RAD51B: variants seen among roughly 807,000 people sequenced by gnomAD.
RAD51B encodes the protein RAD51 paralog B.
A neutral mutation model predicts 42.2 loss-of-function variants in RAD51B; 38 were observed. That is an observed-to-expected ratio of 0.90 (90% CI 0.70 to 1.18). The LOEUF (loss-of-function observed/expected upper bound fraction) is 1.18, where lower values mean the gene tolerates loss of function less well. Ranked by LOEUF, RAD51B falls within the 50% of genes most tolerant of loss-of-function variation. The pLI is 0.00. For missense variants in RAD51B, 373 were observed against 400.7 expected (o/e 0.93, Z 0.59); for synonymous variants, 154 against 145.2 (o/e 1.06, Z -0.43).
chr14:67,848,274 C>T (rs915910141), intron 4 of RAD51B, among the ~76,000 whole-genome samples: 1 of 152,220 alleles, frequency 6.6e-6, no homozygotes, highest in Non-Finnish European at 1.5e-5. Flanking sequence ...GCTTTGGCCT[C>T]CCAAAGTGCT....
intron 7 of RAD51B, among the ~76,000 whole-genome samples, chr14:67,953,166 A>T (rs376660270): frequency 6.6e-6 from 1 of 152,164 alleles, no homozygotes; most frequent in Non-Finnish European, 1.5e-5. Flanking sequence ...GACAAGACAG[A>T]TCTAATCCTT....
intron 7 of RAD51B, among the ~76,000 whole-genome samples, chr14:68,141,807 T>A (rs1339286693): frequency 6.6e-6 from 1 of 152,146 alleles, no homozygotes; most frequent in African/African-American, 2.4e-5. Context: ...AAAGTAGGAC[T>A]CCTTTCTTTT....
At position 68,431,387 on chromosome 14, in the gene RAD51B, T is replaced by A. The variant is rs550200539; in HGVS notation, c.957+19860T>A. Among the ~76,000 whole-genome samples, 577 of 152,240 alleles carry A rather than the reference T, an allele frequency of 3.8e-3. 5 individuals are homozygous for A. Among genetic ancestry groups the A allele is most frequent in the African/African-American group, 0.013 (538 of 41,554 alleles). ...CTGTGAATCCATCTGGTCCTGGACT[T>A]TTTTTGGTTGGTAGGCTATTAATTG... On this transcript the variant is annotated intron_variant, in intron 9 of 10. Coordinates refer to ENST00000471583, the MANE Select transcript of RAD51B (RefSeq NM_133510.4).
chr14:68,415,031 CAAAAAAA>C (rs71129885), intron 9 of RAD51B, among the ~76,000 whole-genome samples: 31 of 32,510 alleles, frequency 9.5e-4, no homozygotes, highest in African/African-American at 1.2e-3. Flanking sequence ...GACTCTGTCT[CAAAAAAA>C]AAAAAAAAAA....
At chr14:68,683,029 A>G in intron 11 of RAD51B, 2 of 898,350 alleles carry the variant, frequency 2.2e-6, no homozygotes, top group Non-Finnish European at 2.7e-6. Context: ...AAAGGACCCC[A>G]GTTGAGTAAT....
intron 7 of RAD51B, among the ~76,000 whole-genome samples, chr14:68,229,632 A>C (rs1279323332): frequency 6.6e-6 from 1 of 152,190 alleles, no homozygotes; most frequent in Non-Finnish European, 1.5e-5. Context: ...TCTCCAGGGC[A>C]CTGGGAGTAA....
intron 8 of RAD51B, among the ~76,000 whole-genome samples, chr14:68,375,123 C>T (rs762368557): frequency 5.3e-5 from 8 of 151,840 alleles, no homozygotes; most frequent in Non-Finnish European, 1.0e-4. Context: ...TTAGCGTTAC[C>T]CTATTTAAAC....
At chr14:68,660,483 T>C (rs945393415) in intron 11 of RAD51B, among the ~76,000 whole-genome samples, 5 of 152,236 alleles carry the variant, frequency 3.3e-5, no homozygotes, top group African/African-American at 1.2e-4. Context: ...AACATTCTGA[T>C]GGATTCAGAG....
At chr14:68,416,227 C>T (rs1475473785) in intron 9 of RAD51B, among the ~76,000 whole-genome samples, 2 of 152,144 alleles carry the variant, frequency 1.3e-5, no homozygotes, top group Non-Finnish European at 2.9e-5. Context: ...TGTTTCCTTT[C>T]TGGTGATAGG....
chr14:68,540,499 G>A, intron 10 of RAD51B: 1 of 985,256 alleles, frequency 1.0e-6, no homozygotes, highest in Non-Finnish European at 1.2e-6. Flanking sequence ...TGCTCAGCTT[G>A]TTCCCTCATT....
At chr14:67,881,027 A>G (rs2042890048) in intron 5 of RAD51B, among the ~76,000 whole-genome samples, 1 of 152,232 alleles carries the variant, frequency 6.6e-6, no homozygotes, top group Non-Finnish European at 1.5e-5. Flanking sequence ...CCTAGACTAT[A>G]TGGTATAGCC....
At chr14:68,584,303 T>C (rs371455111) in intron 10 of RAD51B, among the ~76,000 whole-genome samples, 56 of 152,312 alleles carry the variant, frequency 3.7e-4, no homozygotes, top group African/African-American at 1.3e-3. Flanking sequence ...TAGGACCTCC[T>C]TGGGGCCACA....
chr14:67,994,828 G>A (rs2140298752), intron 7 of RAD51B, among the ~76,000 whole-genome samples: 1 of 152,250 alleles, frequency 6.6e-6, no homozygotes, highest in Admixed American at 6.5e-5. Flanking sequence ...CATGTTTATA[G>A]CAGTGTTAGA....
chr14:68,037,188 T>C (rs1399693843), intron 7 of RAD51B, among the ~76,000 whole-genome samples: 1 of 50,510 alleles, frequency 2.0e-5, no homozygotes, highest in African/African-American at 8.3e-5. Context: ...CCCTCCCCTC[T>C]CCTCTCCTCC....
Position 67,825,369 on chromosome 14 carries a change from T to G in RAD51B, c.85-95T>G, listed in dbSNP as rs1286330988. On this transcript the variant is annotated intron_variant, in intron 2 of 10. Transcript: ENST00000471583. ...TTTGATCTGCGATAAATTATACTTT[T>G]GTCTACATAAGCAGTATCAATTGAA... 1.4e-5 allele frequency: 10 copies of G among 728,104 alleles called. No individual in the cohort carries two copies. The East Asian group carries it at 2.7e-4, about 20-fold the overall frequency. The allele number at this position is 728,104 out of a possible 1,614,324, so 45.1% of individuals were successfully genotyped here.
At chr14:67,837,365 T>G (rs2041279333) in intron 4 of RAD51B, among the ~76,000 whole-genome samples, 1 of 152,178 alleles carries the variant, frequency 6.6e-6, no homozygotes, top group South Asian at 2.1e-4. Context: ...ACTGGGAAAT[T>G]CTTTTTACTT....
At chr14:68,163,489 G>C (rs1292070735) in intron 7 of RAD51B, among the ~76,000 whole-genome samples, 3 of 152,182 alleles carry the variant, frequency 2.0e-5, no homozygotes, top group Non-Finnish European at 4.4e-5. Flanking sequence ...GCTCATGCCT[G>C]TCGTGCCCAT....
chr14:68,166,041 TGATTGTTA>T (rs1199928785), intron 7 of RAD51B, among the ~76,000 whole-genome samples: 80 of 152,214 alleles, frequency 5.3e-4, no homozygotes, highest in African/African-American at 1.9e-3. Flanking sequence ...AACCTACCAA[TGATTGTTA>T]TGAAAATGAT....
chr14:68,241,682 A>C (rs1480366385), intron 7 of RAD51B, among the ~76,000 whole-genome samples: 1 of 151,694 alleles, frequency 6.6e-6, no homozygotes, highest in Non-Finnish European at 1.5e-5. Flanking sequence ...TTTTTTTTTA[A>C]ATAGTTAAAA....
Sources: gnomAD v4.1 joint callset for allele counts (sites outside exome capture counted in the v4.1 genomes callset) on GRCh38, gnomAD v4.1.1 for gene constraint, MANE v1.5 for transcripts, NCBI Gene and HGNC (gene_info 2026-07-23, HGNC 2026-07-21) for gene names.